CDADC1: variants seen among roughly 807,000 people sequenced by gnomAD.
The protein encoded by CDADC1 is cytidine and dCMP deaminase domain containing 1.
In CDADC1, 39 loss-of-function variants were observed where a neutral mutation model predicts 54.9. The observed-to-expected ratio is 0.71, with a 90% CI of 0.55 to 0.93. The LOEUF (loss-of-function observed/expected upper bound fraction) is 0.93, where lower values mean the gene tolerates loss of function less well. CDADC1 is among the 40% of genes least tolerant of loss of function. The probability of loss-of-function intolerance (pLI) is 0.00; values close to 1 mark genes in which losing one functional copy is unlikely to be tolerated. For missense variants in CDADC1, 518 were observed against 618.8 expected, an observed-to-expected ratio of 0.84 and a Z score of 1.73; for synonymous variants, 186 against 204.0, an observed-to-expected ratio of 0.91 and a Z score of 0.75.
intron 4 of CDADC1, chr13:49,265,809 A>C (rs1000770549): frequency 7.2e-6 from 9 of 1,242,376 alleles, no homozygotes; most frequent in Middle Eastern, 4.5e-4. Flanking sequence ...AATTTGAGAA[A>C]CTCTGCTTTA....
chr13:49,287,679 A>G (rs1289067106), intron 9 of CDADC1, among the ~76,000 whole-genome samples: 1 of 152,198 alleles, frequency 6.6e-6, no homozygotes, highest in Non-Finnish European at 1.5e-5. Flanking sequence ...GTTCATTAAA[A>G]TATATTACTA....
intron 5 of CDADC1, among the ~76,000 whole-genome samples, chr13:49,273,305 A>G (rs1953017729): frequency 1.3e-5 from 2 of 152,190 alleles, no homozygotes. Context: ...CCTCCCCAAA[A>G]TGAAAATGCC....
intron 8 of CDADC1, among the ~76,000 whole-genome samples, chr13:49,282,235 G>GTTT: frequency 9.0e-6 from 1 of 111,044 alleles, no homozygotes; most frequent in Non-Finnish European, 1.9e-5. Context: ...GGTTTTTGTG[G>GTTT]GTTTTTTTTT....
intron 3 of CDADC1, among the ~76,000 whole-genome samples, chr13:49,258,971 T>C (rs1377003761): frequency 1.3e-5 from 2 of 152,256 alleles, no homozygotes; most frequent in African/African-American, 4.8e-5. Flanking sequence ...ATCAGGGCTT[T>C]ATATTCTTTA....
intron 8 of CDADC1, among the ~76,000 whole-genome samples, chr13:49,282,000 T>C (rs1390077701): frequency 6.8e-6 from 1 of 146,514 alleles, no homozygotes; most frequent in African/African-American, 2.5e-5. Flanking sequence ...TTTTTAATAA[T>C]AGAGACGGGG....
chr13:49,265,871 T>G (rs1380382163), intron 4 of CDADC1: 1 of 1,300,968 alleles, frequency 7.7e-7, no homozygotes. Flanking sequence ...TTTCCCCTCT[T>G]GAATCAGGAT....
rs1336781541 is a variant in CDADC1 at position 49,251,783 on chromosome 13, CTA to C, written c.177+2822_177+2823del. 3.9e-5 allele frequency among the ~76,000 whole-genome samples: 6 copies of C among 152,202 alleles called. No individual in the cohort carries two copies. The East Asian group carries it at 1.2e-3, about 29-fold the overall frequency. On this transcript the variant is annotated intron_variant, in intron 2 of 9. Coordinates refer to ENST00000251108, the MANE Select transcript of CDADC1 (RefSeq NM_030911.4). ...AAATACTACCAAGGAAATTTCAAAA[CTA>C]TATTAGCAACAAAATTTTATACAAC...
chr13:49,267,945 T>A lies in CDADC1; in HGVS notation c.886T>A (p.Phe296Ile), dbSNP rs754880434. Residue 296 changes from phenylalanine to isoleucine, a missense_variant, in exon 5 of 10, where the codon TTC (phenylalanine) becomes ATC (isoleucine). Transcript: ENST00000251108. ...VASSVPNFKH[F>I]GFYRSNPEQI... ...TTCCAGTGTGCCGAACTTTAAACAC[T>A]TCGGATTTTACCGTAGCAATCCAGA... 8.1e-6 allele frequency: 13 copies of A among 1,614,038 alleles called. No individual in the cohort carries two copies. Among genetic ancestry groups the A allele is most frequent in the Non-Finnish European group, 7.6e-6 (9 of 1,180,036 alleles).
intron 9 of CDADC1, among the ~76,000 whole-genome samples, chr13:49,287,462 G>T (rs527508446): frequency 1.4e-5 from 2 of 147,000 alleles, no homozygotes; most frequent in African/African-American, 2.6e-5. Context: ...TAGCAAAAAA[G>T]GCTGTATCTA....
intron 5 of CDADC1, among the ~76,000 whole-genome samples, chr13:49,273,480 T>A (rs962528178): frequency 1.3e-5 from 2 of 152,252 alleles, no homozygotes; most frequent in Non-Finnish European, 2.9e-5. Context: ...AAGTAAATCC[T>A]TAATATGTAG....
chr13:49,275,110 GA>G, intron 6 of CDADC1, among the ~76,000 whole-genome samples: 1 of 144,386 alleles, frequency 6.9e-6, no homozygotes, highest in East Asian at 2.1e-4. Context: ...TTTTGAGACA[GA>G]GTCCCCCTCT....
chr13:49,265,934 A>G (rs1483476571), intron 4 of CDADC1: 1 of 1,302,578 alleles, frequency 7.7e-7, no homozygotes. Context: ...ACTGCTGGTT[A>G]GGAAATGGAT....
At chr13:49,262,246 C>T (rs1299965711) in intron 4 of CDADC1, among the ~76,000 whole-genome samples, 1 of 151,988 alleles carries the variant, frequency 6.6e-6, no homozygotes, top group African/African-American at 2.4e-5. Flanking sequence ...AGTTTGAGAC[C>T]AGTCAGGGCA....
intron 2 of CDADC1, among the ~76,000 whole-genome samples, chr13:49,255,443 C>T (rs926895821): frequency 1.3e-5 from 2 of 152,200 alleles, no homozygotes; most frequent in East Asian, 1.9e-4. Flanking sequence ...ACCACAATCC[C>T]GATCTAATAC....
rs1272650958 is a variant in CDADC1 at position 49,267,645 on chromosome 13, G to C, written c.586G>C (p.Val196Leu). Residue 196 changes from valine to leucine, a missense_variant, in exon 5 of 10, where the codon GTG (valine) becomes CTG (leucine). Coordinates refer to ENST00000251108, the MANE Select transcript of CDADC1 (RefSeq NM_030911.4). ...TGTGTGTGTCTTACTTCAACCTTTG[G>C]TGTGTTATATGGTGCAGTTTGTAGA... The part of the protein sequence containing the change: ...AHVCVLLQPL[V>L]CYMVQFVEET... 5 of 1,614,026 alleles carry C rather than the reference G, an allele frequency of 3.1e-6. No homozygotes were observed. In the Admixed American group the frequency reaches 5.0e-5, roughly 16 times the overall value.
At position 49,292,582 on chromosome 13, in the gene CDADC1, C is replaced by T. The variant is rs1219279297; in HGVS notation, c.*825C>T. 8.6e-7 allele frequency: 1 copy of T among 1,157,598 alleles called. No individual in the cohort carries two copies. The highest frequency in any genetic ancestry group is 1.1e-6 in the Non-Finnish European group (1 of 928,162). 71.7% of individuals were successfully genotyped at this position (1,157,598 alleles called of 1,614,324 possible). A position where few individuals can be genotyped will look rare whatever the true frequency, so the allele number is the denominator to read the frequency against. On this transcript the variant is annotated 3_prime_UTR_variant, in exon 10 of 10. Coordinates refer to ENST00000251108, the MANE Select transcript of CDADC1 (RefSeq NM_030911.4). ...CTTCTGTATAATTAACATAGGTTGT[C>T]TCATGGCTTTGATCTTCAAAAGGAA...
rs554669976 is a variant in CDADC1, at chr13:49,272,664, T to C, written c.1001-1627T>C. Among the ~76,000 whole-genome samples the C allele has an allele frequency of 2.7e-5, 4 of 150,672 alleles. No homozygotes were observed. The South Asian group carries it at 6.3e-4, about 24-fold the overall frequency. The stretch of plus-strand genomic sequence containing the variant: ...TGTCAAGGATTTCTTTTTCTTTTTT[T>C]TTTTTTTTTTTGAGATGGAGTTCTG... On this transcript the variant is annotated intron_variant, in intron 5 of 9. Coordinates refer to ENST00000251108, the MANE Select transcript of CDADC1 (RefSeq NM_030911.4).
At chr13:49,251,384 G>A (rs1312441203) in intron 2 of CDADC1, among the ~76,000 whole-genome samples, 2 of 148,964 alleles carry the variant, frequency 1.3e-5, no homozygotes, top group Non-Finnish European at 3.0e-5. Flanking sequence ...CTCCAGCCTG[G>A]CGACAGAAAA....
chr13:49,251,704 G>T (rs1292859726), intron 2 of CDADC1, among the ~76,000 whole-genome samples: 2 of 152,046 alleles, frequency 1.3e-5, no homozygotes, highest in Non-Finnish European at 2.9e-5. Context: ...TATAGAGAAA[G>T]CTGTGGATCT....
Sources: allele counts gnomAD v4.1 joint callset (sites outside exome capture counted in the v4.1 genomes callset), GRCh38; gene constraint gnomAD v4.1.1; transcripts MANE v1.5; gene names NCBI Gene and HGNC (gene_info 2026-07-23, HGNC 2026-07-21).